The following SLIT3 variants were observed in gnomAD, a reference collection of about 807,000 sequenced individuals.
SLIT3 encodes the protein slit guidance ligand 3.
In SLIT3, 68 loss-of-function variants were observed where a neutral mutation model predicts 184.0. That is an observed-to-expected ratio of 0.37 (90% CI 0.30 to 0.45). The LOEUF is 0.45. Among genes scored for constraint, SLIT3 ranks in the 20% least tolerant of loss-of-function variants. SLIT3 has a pLI of 1.00. For synonymous variants in SLIT3, 831 were observed against 828.6 expected (o/e 1.00, Z -0.05); for missense variants, 1,707 against 2,026.0 (o/e 0.84, Z 3.02).
chr5:169,101,881 C>T, intron 4 of SLIT3, among the ~76,000 whole-genome samples: 1 of 152,224 alleles, frequency 6.6e-6, no homozygotes, highest in East Asian at 1.9e-4. Context: ...AGACTCAGCT[C>T]AAGGATTCTC....
intron 4 of SLIT3, among the ~76,000 whole-genome samples, chr5:168,975,972 C>T (rs958699665): frequency 6.6e-6 from 1 of 152,294 alleles, no homozygotes; most frequent in Non-Finnish European, 1.5e-5. Context: ...CAGGGAGTGT[C>T]GATTTTAAAC....
At position 169,166,803 on chromosome 5, in the gene SLIT3, A is replaced by C. The variant is rs555321911; in HGVS notation, c.413+26676T>G. On this transcript the variant is annotated intron_variant, in intron 4 of 35. Transcript: ENST00000519560. ...TCTAGATAGGTTTGTGTATGATCCCATGTCACTTGGAGAATGTAGAATATT... is the reference window on the plus strand; with the variant it reads ...TCTAGATAGGTTTGTGTATGATCCCCTGTCACTTGGAGAATGTAGAATATT... Among the ~76,000 whole-genome samples, 12 of 152,296 alleles carry C rather than the reference A, an allele frequency of 7.9e-5. No individual in the cohort carries two copies. In the East Asian group the frequency reaches 2.3e-3, roughly 29 times the overall value.
At chr5:169,013,697 C>T (rs1756252024) in intron 4 of SLIT3, among the ~76,000 whole-genome samples, 1 of 152,180 alleles carries the variant, frequency 6.6e-6, no homozygotes, top group African/African-American at 2.4e-5. Flanking sequence ...GCAGCCGGGG[C>T]CCCATGCAGC....
At chr5:168,859,492 A>G (rs1759025618) in intron 5 of SLIT3, among the ~76,000 whole-genome samples, 1 of 152,234 alleles carries the variant, frequency 6.6e-6, no homozygotes, top group African/African-American at 2.4e-5. Context: ...CAAAGATGGC[A>G]TAAATTAACT....
chr5:169,175,766 C>T (rs1357797091), intron 4 of SLIT3, among the ~76,000 whole-genome samples: 1 of 152,192 alleles, frequency 6.6e-6, no homozygotes, highest in Non-Finnish European at 1.5e-5. Context: ...TTCCTACACA[C>T]CACCTTTCTT....
At chr5:169,221,424 G>T (rs1427254518) in intron 3 of SLIT3, among the ~76,000 whole-genome samples, 1 of 152,108 alleles carries the variant, frequency 6.6e-6, no homozygotes, top group Non-Finnish European at 1.5e-5. Context: ...CAGTGTTGAG[G>T]GCTACCAGAA....
chr5:169,240,321 A>C (rs1469549321), intron 3 of SLIT3, among the ~76,000 whole-genome samples: 1 of 151,754 alleles, frequency 6.6e-6, no homozygotes, highest in Non-Finnish European at 1.5e-5. Context: ...TTGTTCTATT[A>C]ATTACCAAAA....
rs116297643 is a variant in SLIT3, at chr5:169,260,867, T to C, written c.198-9408A>G. 3.9e-3 allele frequency among the ~76,000 whole-genome samples: 590 copies of C among 152,202 alleles called. 2 individuals are homozygous for C. Among genetic ancestry groups the C allele is most frequent in the African/African-American group, 0.014 (569 of 41,516 alleles). On this transcript the variant is annotated intron_variant, in intron 1 of 35. Coordinates refer to ENST00000519560, the MANE Select transcript of SLIT3 (RefSeq NM_003062.4). ...GTTTAGAGAGGAAGAAATAAAGGAG[T>C]AATTACCATAGACTATGATAAACGC...
intron 4 of SLIT3, among the ~76,000 whole-genome samples, chr5:168,935,343 G>A (rs1426556634): frequency 1.3e-5 from 2 of 151,882 alleles, no homozygotes; most frequent in Admixed American, 1.3e-4. Context: ...GTGCATTGAG[G>A]GCCTCTGGCC....
intron 20 of SLIT3, among the ~76,000 whole-genome samples, chr5:168,736,326 T>C (rs1409884403): frequency 1.3e-5 from 2 of 152,140 alleles, no homozygotes; most frequent in Admixed American, 1.3e-4. Context: ...GCTGAGGTCT[T>C]CTCTGGGCCA....
intron 4 of SLIT3, chr5:169,024,837 G>C (rs1316063554): frequency 6.6e-6 from 1 of 152,214 alleles, no homozygotes; most frequent in Non-Finnish European, 1.5e-5. Flanking sequence ...GGAGACATTG[G>C]TTCAGCTTGA....
chr5:168,735,884 A>G (rs567409735), intron 20 of SLIT3, among the ~76,000 whole-genome samples: 2 of 152,184 alleles, frequency 1.3e-5, no homozygotes, highest in South Asian at 4.2e-4. Flanking sequence ...ACAAGAACTT[A>G]CATATCCCTT....
chr5:168,892,924 A>G (rs1760521186), intron 4 of SLIT3, among the ~76,000 whole-genome samples: 2 of 152,202 alleles, frequency 1.3e-5, no homozygotes, highest in Admixed American at 1.3e-4. Context: ...TATCAGCCCA[A>G]TTATGCCCTC....
At chr5:168,941,591 T>G (rs943882239) in intron 4 of SLIT3, among the ~76,000 whole-genome samples, 1 of 152,182 alleles carries the variant, frequency 6.6e-6, no homozygotes, top group Non-Finnish European at 1.5e-5. Context: ...GGTTCAAGAC[T>G]TCTTCCCAAG....
At chr5:169,109,230 C>G (rs1410451857) in intron 4 of SLIT3, among the ~76,000 whole-genome samples, 1 of 152,200 alleles carries the variant, frequency 6.6e-6, no homozygotes, top group Non-Finnish European at 1.5e-5. Flanking sequence ...GAGAGATTCT[C>G]TTTGTTAATG....
chr5:169,100,815 G>A (rs1759980588), intron 4 of SLIT3, among the ~76,000 whole-genome samples: 1 of 152,160 alleles, frequency 6.6e-6, no homozygotes, highest in South Asian at 2.1e-4. Flanking sequence ...GGGTTTAAGA[G>A]GCTGACTCAT....
chr5:169,063,859 T>C (rs1304436550), intron 4 of SLIT3, among the ~76,000 whole-genome samples: 1 of 152,206 alleles, frequency 6.6e-6, no homozygotes, highest in Non-Finnish European at 1.5e-5. Flanking sequence ...CTGCAAAATA[T>C]TTCCTTAAGG....
intron 4 of SLIT3, among the ~76,000 whole-genome samples, chr5:169,126,841 G>T (rs1761097437): frequency 6.6e-6 from 1 of 152,200 alleles, no homozygotes; most frequent in Admixed American, 6.5e-5. Flanking sequence ...CTTCAAACCT[G>T]ATCCTTGGTT....
chr5:169,094,239 T>C (rs1447356757), intron 4 of SLIT3, among the ~76,000 whole-genome samples: 1 of 152,244 alleles, frequency 6.6e-6, no homozygotes, highest in Non-Finnish European at 1.5e-5. Context: ...GTTTTACAGA[T>C]GAGGAAACAG....
Sources: allele counts gnomAD v4.1 joint callset (sites outside exome capture counted in the v4.1 genomes callset), GRCh38; gene constraint gnomAD v4.1.1; transcripts MANE v1.5; gene names NCBI Gene and HGNC (gene_info 2026-07-23, HGNC 2026-07-21).